WDPCP: variants seen among roughly 807,000 people sequenced by gnomAD.
WDPCP encodes the protein WD repeat-containing and planar cell polarity effector protein fritz homolog.
WDPCP carries 71 observed loss-of-function variants against 93.1 expected under a neutral mutation model. The observed-to-expected ratio is 0.76, with a 90% CI of 0.63 to 0.93. The LOEUF is 0.93. Ranked by LOEUF, WDPCP falls within the 40% of genes least tolerant of loss-of-function variation. The pLI, the probability that WDPCP is intolerant of heterozygous loss-of-function variation, is 0.00. For missense variants in WDPCP, 844 were observed against 887.4 expected, an observed-to-expected ratio of 0.95 and a Z score of 0.62; for synonymous variants, 315 against 315.0, an observed-to-expected ratio of 1.00 and a Z score of 0.00.
chr2:63,255,701 C>A (rs1681075676), intron 14 of WDPCP, among the ~76,000 whole-genome samples: 1 of 152,092 alleles, frequency 6.6e-6, no homozygotes, highest in Non-Finnish European at 1.5e-5. Context: ...CAAAATAAAC[C>A]TTTTTTCTTT....
At position 63,373,686 on chromosome 2, in the gene WDPCP, C is replaced by T. The variant is rs13393027; in HGVS notation, c.1748+4700G>A. On this transcript the variant is annotated intron_variant, in intron 12 of 17. Transcript: ENST00000272321. ...TCATTGTGTGTTTTCTATTTTCCAT[C>T]TTTTTTCCCATGTTTCTTCCCCTGC... 1.4e-3 allele frequency among the ~76,000 whole-genome samples: 215 copies of T among 151,842 alleles called. 3 individuals are homozygous for T. Among genetic ancestry groups the T allele is most frequent in the South Asian group, 0.014 (67 of 4,818 alleles).
intron 2 of WDPCP, among the ~76,000 whole-genome samples, chr2:63,791,222 T>C (rs1670540194): frequency 1.3e-5 from 2 of 152,186 alleles, no homozygotes; most frequent in Admixed American, 1.3e-4. Context: ...GGATTCAATA[T>C]ATTGTAAGTG....
chr2:63,248,208 T>C (rs1680441789), intron 14 of WDPCP, among the ~76,000 whole-genome samples: 1 of 152,184 alleles, frequency 6.6e-6, no homozygotes, highest in African/African-American at 2.4e-5. Context: ...GATTTTTATA[T>C]TTGACTGCCC....
At chr2:63,827,671 G>A (rs1010105828) in exon 1 of WDPCP, 3 of 152,116 alleles carry the variant, frequency 2.0e-5, no homozygotes, top group African/African-American at 4.8e-5. Flanking sequence ...TCAGTTAAAC[G>A]GTTCAAACCT....
At chr2:63,509,945 T>C (rs905484834) in intron 1 of WDPCP, among the ~76,000 whole-genome samples, 5 of 151,914 alleles carry the variant, frequency 3.3e-5, no homozygotes, top group Non-Finnish European at 5.9e-5. Context: ...ATATATAGTC[T>C]ACCAACCAAA....
chr2:63,243,959 T>G (rs1271943148), intron 14 of WDPCP, among the ~76,000 whole-genome samples: 1 of 151,788 alleles, frequency 6.6e-6, no homozygotes, highest in Non-Finnish European at 1.5e-5. Flanking sequence ...ATTGACCACA[T>G]AGGATTGACC....
intron 17 of WDPCP, among the ~76,000 whole-genome samples, chr2:63,139,075 ATG>A (rs951647500): frequency 4.6e-5 from 7 of 152,076 alleles, no homozygotes; most frequent in African/African-American, 1.4e-4. Context: ...GTATGTATGT[ATG>A]TGTGTGTATA....
At chr2:63,241,953 G>T (rs1679890523) in intron 14 of WDPCP, among the ~76,000 whole-genome samples, 1 of 152,094 alleles carries the variant, frequency 6.6e-6, no homozygotes. Flanking sequence ...GCTTTTGAAT[G>T]ATTTTTAAAA....
At chr2:63,619,329 C>A (rs1478803324) in intron 3 of WDPCP, among the ~76,000 whole-genome samples, 1 of 152,158 alleles carries the variant, frequency 6.6e-6, no homozygotes, top group South Asian at 2.1e-4. Flanking sequence ...ACTTGGAGTA[C>A]CCAACCTTCT....
intron 14 of WDPCP, among the ~76,000 whole-genome samples, chr2:63,205,554 A>G (rs1676277268): frequency 6.6e-6 from 1 of 152,096 alleles, no homozygotes; most frequent in Admixed American, 6.5e-5. Context: ...CTTTGGTTAA[A>G]TTAATTCCTA....
At chr2:63,675,174 T>C (rs1421346590) in intron 2 of WDPCP, among the ~76,000 whole-genome samples, 1 of 152,148 alleles carries the variant, frequency 6.6e-6, no homozygotes, top group East Asian at 1.9e-4. Flanking sequence ...CTACTCAGGA[T>C]TGTGAGACTC....
intron 2 of WDPCP, among the ~76,000 whole-genome samples, chr2:63,723,226 T>TA (rs576742258): frequency 0.023 from 3,450 of 150,698 alleles, 138 homozygotes; most frequent in African/African-American, 0.08. Flanking sequence ...CCCTCCACTA[T>TA]TGTCCTATGA....
intron 2 of WDPCP, among the ~76,000 whole-genome samples, chr2:63,694,666 A>T (rs1434662855): frequency 6.6e-6 from 1 of 152,164 alleles, no homozygotes; most frequent in Non-Finnish European, 1.5e-5. Flanking sequence ...AATTTGTACC[A>T]GAATTTCTTC....
chr2:63,811,999 G>A (rs1385483061), intron 2 of WDPCP, among the ~76,000 whole-genome samples: 1 of 152,100 alleles, frequency 6.6e-6, no homozygotes, highest in Non-Finnish European at 1.5e-5. Flanking sequence ...TGAGTAGCTG[G>A]AACTACAGGC....
intron 13 of WDPCP, among the ~76,000 whole-genome samples, chr2:63,261,743 G>A (rs187546683): frequency 6.6e-6 from 1 of 152,274 alleles, no homozygotes; most frequent in Admixed American, 6.5e-5. Flanking sequence ...GTACCTACAT[G>A]ATAACTTCAG....
intron 1 of WDPCP, among the ~76,000 whole-genome samples, chr2:63,505,265 A>G (rs1701800109): frequency 6.6e-6 from 1 of 152,030 alleles, no homozygotes; most frequent in Non-Finnish European, 1.5e-5. Context: ...AATTTTTAGT[A>G]TTTTGTTTCA....
At chr2:63,508,134 C>G (rs1037965356) in intron 1 of WDPCP, among the ~76,000 whole-genome samples, 3 of 152,104 alleles carry the variant, frequency 2.0e-5, no homozygotes, top group Non-Finnish European at 4.4e-5. Flanking sequence ...AAATGATCGT[C>G]AGATTCACCA....
chr2:63,748,746 TG>T (rs1669835253), intron 2 of WDPCP, among the ~76,000 whole-genome samples: 1 of 152,132 alleles, frequency 6.6e-6, no homozygotes, highest in Non-Finnish European at 1.5e-5. Flanking sequence ...CTCTTGCTTT[TG>T]CTGTGTATCA....
At chr2:63,235,103 T>A (rs529306252) in intron 14 of WDPCP, among the ~76,000 whole-genome samples, 1 of 151,970 alleles carries the variant, frequency 6.6e-6, no homozygotes, top group African/African-American at 2.4e-5. Flanking sequence ...ACTAGCTACA[T>A]TAACAAAGAA....
Sources: allele counts gnomAD v4.1 joint callset (sites outside exome capture counted in the v4.1 genomes callset), GRCh38; gene constraint gnomAD v4.1.1; transcripts MANE v1.5; gene names NCBI Gene and HGNC (gene_info 2026-07-23, HGNC 2026-07-21).